Variants in MAP4 observed in about 807,000 individuals in gnomAD.
MAP4 encodes the protein microtubule-associated protein 4.
In MAP4, 76 loss-of-function variants were observed where a neutral mutation model predicts 170.2. The observed-to-expected ratio is 0.45, with a 90% CI of 0.37 to 0.54. The LOEUF is 0.54. Ranked by LOEUF, MAP4 falls within the 20% of genes least tolerant of loss-of-function variation. The pLI, the probability that MAP4 is intolerant of heterozygous loss-of-function variation, is 0.00. For synonymous variants in MAP4, 909 were observed against 994.5 expected (o/e 0.91, Z 1.62); for missense variants, 2,506 against 2,748.0 (o/e 0.91, Z 1.97).
At chr3:47,942,306 A>G (rs1436064594) in intron 3 of MAP4, among the ~76,000 whole-genome samples, 1 of 152,214 alleles carries the variant, frequency 6.6e-6, no homozygotes, top group Non-Finnish European at 1.5e-5. Context: ...GGTGCTTCAC[A>G]GAAAAGAAAG....
At chr3:48,065,765 A>G (rs1325960724) in intron 1 of MAP4, among the ~76,000 whole-genome samples, 2 of 152,206 alleles carry the variant, frequency 1.3e-5, no homozygotes, top group Non-Finnish European at 2.9e-5. Flanking sequence ...AGAGTACCTG[A>G]CAGATATTAA....
rs1024671902 is a variant in MAP4 at position 47,911,626 on chromosome 3, G to A, written c.2795C>T (p.Ser932Phe). ...LNLKGPLAEV[S>F]AYNVETPLDI... is the part of the protein sequence containing the mutation. ...CAAAGGGGTTTCTACATTGTATGCA[G>A]AAACTTCTGCTAGGGGTCCTTTCAG... The change falls in exon 9 of 21, where the codon TCT becomes TTT. Residue 932 changes from serine (S) to phenylalanine (F), a missense_variant. This residue lies in a region of MAP4 where 2,008 missense variants were observed against 2,206.0 expected (regional missense o/e 0.91). Transcript: ENST00000683076. The surrounding 1 kb of genome is among the most constrained non-coding windows in gnomAD (Gnocchi z 4.0). The A allele has an allele frequency of 6.5e-7, 1 of 1,535,980 alleles. No homozygotes were observed. The highest frequency in any genetic ancestry group is 1.4e-5 in the African/African-American group (1 of 73,032).
chr3:48,039,094 ACT>A (rs572884530), intron 1 of MAP4, among the ~76,000 whole-genome samples: 39 of 152,124 alleles, frequency 2.6e-4, no homozygotes, highest in Non-Finnish European at 4.6e-4. Context: ...ACAGAGGGAA[ACT>A]CTGTCTCAAA....
At chr3:47,951,538 G>A (rs748167837) in intron 3 of MAP4, among the ~76,000 whole-genome samples, 2 of 152,210 alleles carry the variant, frequency 1.3e-5, no homozygotes, top group African/African-American at 4.8e-5. Context: ...TTTTGGTGGA[G>A]ACAGGGTTTC....
At chr3:47,982,768 G>A (rs2100086123) in intron 2 of MAP4, among the ~76,000 whole-genome samples, 1 of 151,924 alleles carries the variant, frequency 6.6e-6, no homozygotes, top group Admixed American at 6.6e-5. Flanking sequence ...GATTCCATTT[G>A]TAAAATGGAA....
rs2153484607 is a variant in MAP4, at chr3:47,909,324, G to A, written c.5097C>T (p.Ser1699=). The A allele has an allele frequency of 6.2e-7, 1 of 1,613,926 alleles. No individual in the cohort carries two copies. Among genetic ancestry groups the A allele is most frequent in the Non-Finnish European group, 8.5e-7 (1 of 1,179,858 alleles). ...CCTCTGAAGGAGGAGCTTCGACTTTGCTATGTAAGAAATCTGACTGGATTT... is the reference window on the plus strand; with the variant it reads ...CCTCTGAAGGAGGAGCTTCGACTTTACTATGTAAGAAATCTGACTGGATTT... ...TPEIQSDFLH[S]KVEAPPSEVA... Residue 1699 remains serine, a synonymous_variant, in exon 9 of 21, where the codon AGC becomes AGT. Transcript: ENST00000683076.
chr3:47,947,345 C>T (rs1659456496), intron 3 of MAP4, among the ~76,000 whole-genome samples: 1 of 152,158 alleles, frequency 6.6e-6, no homozygotes, highest in Non-Finnish European at 1.5e-5. Context: ...GGCCCAATCT[C>T]CTACCCCAAG....
upstream of MAP4, among the ~76,000 whole-genome samples, chr3:48,019,876 T>A (rs1457019604): frequency 6.6e-6 from 1 of 152,142 alleles, no homozygotes; most frequent in Admixed American, 6.5e-5. Context: ...GGCCCTGTCT[T>A]GAAAATAATA....
intron 3 of MAP4, among the ~76,000 whole-genome samples, chr3:47,946,847 T>C (rs1402088430): frequency 6.6e-6 from 1 of 152,158 alleles, no homozygotes; most frequent in East Asian, 1.9e-4. Flanking sequence ...AGGTTATATT[T>C]ATGAAAGTAT....
chr3:47,905,026 T>G (rs2100032158), intron 9 of MAP4, among the ~76,000 whole-genome samples: 1 of 152,114 alleles, frequency 6.6e-6, no homozygotes, highest in Admixed American at 6.6e-5. Flanking sequence ...GTGACACCAT[T>G]TGACCACAAG....
intron 1 of MAP4, among the ~76,000 whole-genome samples, chr3:48,055,194 C>CTCCG (rs2100130234): frequency 5.1e-5 from 5 of 98,652 alleles, no homozygotes; most frequent in Non-Finnish European, 1.0e-4. Context: ...CTCCCTCTCC[C>CTCCG]TCTCCGTCTC....
At chr3:47,857,884 A>AT (rs979889713) in intron 17 of MAP4, among the ~76,000 whole-genome samples, 1 of 151,158 alleles carries the variant, frequency 6.6e-6, no homozygotes, top group African/African-American at 2.4e-5. Context: ...AATTTTTTGT[A>AT]TTTTTAGTAG....
intron 3 of MAP4, among the ~76,000 whole-genome samples, chr3:47,962,258 A>G (rs1264687959): frequency 6.6e-6 from 1 of 152,156 alleles, no homozygotes; most frequent in Non-Finnish European, 1.5e-5. Context: ...TGGTTCAATA[A>G]AAGTTTCTTT....
chr3:48,054,234 A>G (rs1394441591), intron 1 of MAP4, among the ~76,000 whole-genome samples: 1 of 151,952 alleles, frequency 6.6e-6, no homozygotes, highest in Non-Finnish European at 1.5e-5. Context: ...GGAGGCGGAG[A>G]TCGCAGTGAG....
intron 1 of MAP4, among the ~76,000 whole-genome samples, chr3:48,063,798 A>G (rs1043160829): frequency 6.6e-6 from 1 of 152,258 alleles, no homozygotes; most frequent in Non-Finnish European, 1.5e-5. Flanking sequence ...GAAAAAGGCA[A>G]AACTATGAAG....
chr3:47,957,909 T>C (rs1578306817), intron 3 of MAP4, among the ~76,000 whole-genome samples: 2 of 152,206 alleles, frequency 1.3e-5, no homozygotes, highest in South Asian at 2.1e-4. Flanking sequence ...CACTCACTAT[T>C]ATATCTAGCA....
chr3:48,018,192 G>A (rs554487447), upstream of MAP4, among the ~76,000 whole-genome samples: 4 of 152,278 alleles, frequency 2.6e-5, no homozygotes, highest in East Asian at 5.8e-4. Flanking sequence ...TCTACAGACC[G>A]AGGGTTGGGG....
At position 47,904,948 on chromosome 3, in the gene MAP4, G is replaced by C. The variant is rs914518171; in HGVS notation, c.5384-1948C>G. 2.0e-5 allele frequency among the ~76,000 whole-genome samples: 3 copies of C among 152,184 alleles called. No individual in the cohort carries two copies. The East Asian group carries it at 5.8e-4, about 29-fold the overall frequency. Reference sequence around the variant, plus strand: ...GCCTCCCAAAGTGCTGGGACTACAGGTGTGAGCCACTGTGCCCAGCCAACA... The same window carrying C: ...GCCTCCCAAAGTGCTGGGACTACAGCTGTGAGCCACTGTGCCCAGCCAACA... On this transcript the variant is annotated intron_variant, in intron 9 of 20. Transcript: ENST00000683076.
intron 2 of MAP4, among the ~76,000 whole-genome samples, chr3:47,984,165 T>C (rs2100087164): frequency 6.6e-6 from 1 of 150,494 alleles, no homozygotes; most frequent in African/African-American, 2.4e-5. Flanking sequence ...TAATTTTTTA[T>C]TTTTTTTTTC....
Sources: allele counts gnomAD v4.1 joint callset (sites outside exome capture counted in the v4.1 genomes callset), GRCh38; gene constraint gnomAD v4.1.1; regional missense constraint gnomAD v4.1.1; non-coding constraint Gnocchi (gnomAD v3.1); transcripts MANE v1.5; gene names NCBI Gene and HGNC (gene_info 2026-07-23, HGNC 2026-07-21).